The following CLDN10 variants were observed in gnomAD, a reference collection of about 807,000 sequenced individuals.
The protein encoded by CLDN10 is claudin-10.
Under a neutral mutation model 22.9 loss-of-function variants are expected in CLDN10, and 15 were observed. The ratio of observed to expected loss-of-function variants is 0.65; its 90% CI spans 0.44 to 1.01. The LOEUF is 1.01. CLDN10 is among the 50% of genes least tolerant of loss of function. CLDN10 has a pLI of 0.00. For synonymous variants in CLDN10, 114 were observed against 111.4 expected (o/e 1.02, Z -0.15); for missense variants, 247 against 287.8 (o/e 0.86, Z 1.03).
intron 1 of CLDN10, among the ~76,000 whole-genome samples, chr13:95,435,083 G>T (rs533563316): frequency 6.6e-6 from 1 of 151,966 alleles, no homozygotes; most frequent in Non-Finnish European, 1.5e-5. Flanking sequence ...ACAAGTGTAC[G>T]TATCTCAAAG....
At chr13:95,560,346 C>T (rs754139363) in intron 2 of CLDN10, 36 bp from the exon 3 acceptor site, 4 of 1,612,858 alleles carry the variant, frequency 2.5e-6, no homozygotes, top group African/African-American at 2.7e-5. Flanking sequence ...AATGAAATCA[C>T]ACTAACCATA....
In CLDN10 at chr13:95,510,872, C is replaced by T. The variant is rs187119680; in HGVS notation, c.215-49260C>T. Among the ~76,000 whole-genome samples, 650 of 152,196 alleles carry T rather than the reference C, an allele frequency of 4.3e-3. 4 individuals carry two copies. Among genetic ancestry groups the T allele is most frequent in the African/African-American group, 0.015 (621 of 41,532 alleles). On this transcript the variant is annotated intron_variant, in intron 1 of 4. Coordinates refer to the CLDN10 transcript ENST00000376873. ...CTACAATAAACCAGTTGGAAACTTA[C>T]TCCATTACTGACTACCTTGCTATGT...
chr13:95,484,769 G>A (rs1363808955), intron 1 of CLDN10, among the ~76,000 whole-genome samples: 1 of 150,930 alleles, frequency 6.6e-6, no homozygotes, highest in African/African-American at 2.4e-5. Flanking sequence ...GGGAGGCTGA[G>A]GCACAAGAAT....
intron 3 of CLDN10, among the ~76,000 whole-genome samples, chr13:95,567,656 A>G (rs1429760373): frequency 1.3e-5 from 2 of 152,122 alleles, no homozygotes; most frequent in African/African-American, 4.8e-5. Flanking sequence ...TTCCAACACT[A>G]TGTTGAATAG....
rs570561437 is a variant in CLDN10 at position 95,541,246 on chromosome 13, A to G, written c.215-18886A>G. ...TAACACTTGTTGGAGGCAGGGAGGA[A>G]TTCAGAATGACCAGGCTGCAAGTTA... On this transcript the variant is annotated intron_variant, in intron 1 of 4. Coordinates refer to the CLDN10 transcript ENST00000376873. Among the ~76,000 whole-genome samples, 8 of 152,364 alleles carry G rather than the reference A, an allele frequency of 5.3e-5. 1 individual carries two copies. The highest frequency in any genetic ancestry group is 1.9e-4 in the African/African-American group (8 of 41,590).
chr13:95,449,752 TTTTCTTTTTGA>T (rs2042415623), intron 1 of CLDN10, among the ~76,000 whole-genome samples: 1 of 149,410 alleles, frequency 6.7e-6, no homozygotes, highest in African/African-American at 2.5e-5. Flanking sequence ...TTTTTTTTTT[TTTTCTTTTTGA>T]GGCAGAATCT....
chr13:95,526,362 G>A (rs1594588043), intron 1 of CLDN10, among the ~76,000 whole-genome samples: 1 of 152,264 alleles, frequency 6.6e-6, no homozygotes, highest in East Asian at 1.9e-4. Context: ...TTCATTAGAA[G>A]CTCTGAGACT....
chr13:95,542,252 A>G (rs2043467172), intron 1 of CLDN10, among the ~76,000 whole-genome samples: 1 of 152,196 alleles, frequency 6.6e-6, no homozygotes, highest in Non-Finnish European at 1.5e-5. Context: ...CCCACCTCCA[A>G]TACCGGGAAT....
At chr13:95,480,115 G>A (rs753264714) in intron 1 of CLDN10, among the ~76,000 whole-genome samples, 3 of 152,182 alleles carry the variant, frequency 2.0e-5, no homozygotes, top group South Asian at 2.1e-4. Context: ...GAAAACTTGT[G>A]CGGGGGAGCT....
At position 95,439,345 on chromosome 13, in the gene CLDN10, A is replaced by AT. The variant is rs759554295; in HGVS notation, c.214+5300dup. ...CTCTCTGAGGCCTCTTTTTTATGTTATTATTATTTTTTTTTTTGAGACTGA... is the reference window on the plus strand; with the variant it reads ...CTCTCTGAGGCCTCTTTTTTATGTTATTTATTATTTTTTTTTTTGAGACTGA... On this transcript the variant is annotated intron_variant, in intron 1 of 4. Transcript: ENST00000376873. 7.3e-3 allele frequency among the ~76,000 whole-genome samples: 901 copies of AT among 123,062 alleles called. 14 individuals carry two copies. Among genetic ancestry groups the AT allele is most frequent in the Non-Finnish European group, 7.3e-3 (403 of 54,888 alleles). 80.7% of individuals were successfully genotyped at this position (123,062 alleles called of 152,430 possible). A position where few individuals can be genotyped will look rare whatever the true frequency, so the allele number is the denominator to read the frequency against.
chr13:95,566,550 ATTTT>A (rs1237930475), intron 3 of CLDN10, among the ~76,000 whole-genome samples: 50 of 151,854 alleles, frequency 3.3e-4, no homozygotes, highest in Admixed American at 3.2e-3. Flanking sequence ...GATTGCAAAA[ATTTT>A]CTCCCATTCT....
At chr13:95,569,807 C>T (rs1275324830) in intron 3 of CLDN10, among the ~76,000 whole-genome samples, 2 of 151,586 alleles carry the variant, frequency 1.3e-5, no homozygotes, top group African/African-American at 4.8e-5. Flanking sequence ...CTTGCTCTGT[C>T]GCCCAGGCTG....
intron 1 of CLDN10, among the ~76,000 whole-genome samples, chr13:95,495,451 G>A (rs2042918774): frequency 6.6e-6 from 1 of 151,256 alleles, no homozygotes; most frequent in Non-Finnish European, 1.5e-5. Context: ...TTCCTAGAAA[G>A]AAATGAAGCT....
chr13:95,565,043 A>G (rs1312824493), intron 3 of CLDN10, among the ~76,000 whole-genome samples: 1 of 151,888 alleles, frequency 6.6e-6, no homozygotes, highest in Non-Finnish European at 1.5e-5. Flanking sequence ...GCTCTTGCAG[A>G]GCCTTGAAAA....
At chr13:95,566,191 G>A (rs558513332) in intron 3 of CLDN10, among the ~76,000 whole-genome samples, 3 of 152,322 alleles carry the variant, frequency 2.0e-5, no homozygotes, top group East Asian at 3.9e-4. Context: ...GATCCTTGAG[G>A]AATTGCTACA....
At chr13:95,506,311 G>C (rs7984248) in intron 1 of CLDN10, among the ~76,000 whole-genome samples, 2,855 of 152,228 alleles carry the variant, frequency 0.019, 87 homozygotes, top group African/African-American at 0.064. Context: ...TTTCCAAACA[G>C]ACACTGAACT....
chr13:95,560,449 CTT>C lies in CLDN10; in HGVS notation c.452_453del (p.Phe151CysfsTer2). 1 of 1,613,152 alleles carries C rather than the reference CTT, an allele frequency of 6.2e-7. No individual in the cohort carries two copies. On this transcript the variant is annotated frameshift_variant, in exon 3 of 5. Coordinates refer to ENST00000299339, the MANE Select transcript of CLDN10 (RefSeq NM_006984.5). LOFTEE classifies it high-confidence loss of function. ...KITTEFFDPL[F>X]VEQKYELGAA... Reference sequence around the variant, plus strand: ...TCACAACGGAATTCTTTGATCCTCTCTTTGTTGAGCAAAAGTAAGTACTCTTC... The same window carrying C: ...TCACAACGGAATTCTTTGATCCTCTCTGTTGAGCAAAAGTAAGTACTCTTC...
At chr13:95,460,111 A>T (rs2042520670) in intron 1 of CLDN10, among the ~76,000 whole-genome samples, 1 of 152,132 alleles carries the variant, frequency 6.6e-6, no homozygotes, top group Non-Finnish European at 1.5e-5. Context: ...TCCCAAAAAG[A>T]TCCTCATCTC....
chr13:95,575,671 C>T (rs1164520518), intron 3 of CLDN10, among the ~76,000 whole-genome samples: 1 of 152,076 alleles, frequency 6.6e-6, no homozygotes, highest in African/African-American at 2.4e-5. Context: ...AGGGAACCCG[C>T]TGAAGTTTCT....
Sources: allele counts gnomAD v4.1 joint callset (sites outside exome capture counted in the v4.1 genomes callset), GRCh38; gene constraint gnomAD v4.1.1; transcripts MANE v1.5; gene names NCBI Gene and HGNC (gene_info 2026-07-23, HGNC 2026-07-21).